Variants in CNTN4 observed in about 807,000 individuals in gnomAD.
CNTN4 encodes contactin-4.
CNTN4 carries 77 observed loss-of-function variants against 122.5 expected under a neutral mutation model. The observed-to-expected ratio is 0.63, with a 90% CI of 0.52 to 0.76. CNTN4 has a LOEUF of 0.76. CNTN4 is among the 30% of genes least tolerant of loss of function. The probability of loss-of-function intolerance (pLI) is 0.00; values close to 1 mark genes in which losing one functional copy is unlikely to be tolerated. For synonymous variants in CNTN4, 512 were observed against 447.0 expected (o/e 1.15, Z -1.83); for missense variants, 1,256 against 1,259.1 (o/e 1.00, Z 0.04).
chr3:2,447,810 T>G (rs1220882858), intron 3 of CNTN4, among the ~76,000 whole-genome samples: 2 of 152,194 alleles, frequency 1.3e-5, no homozygotes, highest in African/African-American at 4.8e-5. Flanking sequence ...TGGGTTCTGT[T>G]AATAAGTACT....
chr3:2,144,210 C>A (rs1247998660), intron 2 of CNTN4: 3 of 152,152 alleles, frequency 2.0e-5, no homozygotes, highest in Non-Finnish European at 4.4e-5. Flanking sequence ...TTAGTGTGGC[C>A]TGTGATCTGT....
intron 7 of CNTN4, among the ~76,000 whole-genome samples, chr3:2,831,294 T>C (rs184358159): frequency 3.2e-4 from 48 of 152,292 alleles, no homozygotes; most frequent in Admixed American, 1.4e-3. Flanking sequence ...ACAAACAATA[T>C]GGATAAAAAA....
intron 7 of CNTN4, chr3:2,866,431 C>G: frequency 8.5e-7 from 1 of 1,178,006 alleles, no homozygotes; most frequent in South Asian, 1.9e-5. Flanking sequence ...TTGAGCATTA[C>G]TCAATACATG....
At chr3:2,668,986 G>A (rs894410615) in intron 4 of CNTN4, among the ~76,000 whole-genome samples, 9 of 152,172 alleles carry the variant, frequency 5.9e-5, no homozygotes, top group African/African-American at 1.7e-4. Context: ...TGCTGGATTC[G>A]GTTTGCCAGT....
intron 17 of CNTN4, among the ~76,000 whole-genome samples, chr3:3,036,677 G>T (rs1186641212): frequency 6.6e-6 from 1 of 151,464 alleles, no homozygotes; most frequent in East Asian, 1.9e-4. Flanking sequence ...TGAGGCACAA[G>T]AATTGCATGA....
At chr3:2,600,380 G>T (rs1435909007) in intron 4 of CNTN4, among the ~76,000 whole-genome samples, 7 of 152,030 alleles carry the variant, frequency 4.6e-5, no homozygotes, top group African/African-American at 1.7e-4. Flanking sequence ...GCCCCGGTGT[G>T]TGATGTCCCC....
chr3:2,198,511 A>G (rs894958999), intron 2 of CNTN4, among the ~76,000 whole-genome samples: 1 of 152,226 alleles, frequency 6.6e-6, no homozygotes, highest in Non-Finnish European at 1.5e-5. Context: ...ATGTTATATC[A>G]GAATGTCAAA....
At chr3:2,919,972 G>T (rs1874964) in intron 12 of CNTN4, among the ~76,000 whole-genome samples, 1 of 151,758 alleles carries the variant, frequency 6.6e-6, no homozygotes, top group Non-Finnish European at 1.5e-5. Context: ...GAGTTTTCAA[G>T]TCTTTTATAA....
chr3:2,353,986 C>A (rs2044759921), intron 3 of CNTN4, among the ~76,000 whole-genome samples: 1 of 152,194 alleles, frequency 6.6e-6, no homozygotes, highest in African/African-American at 2.4e-5. Flanking sequence ...ATATTTAGAG[C>A]ACATATGAAA....
intron 7 of CNTN4, among the ~76,000 whole-genome samples, chr3:2,846,461 A>T (rs1465600421): frequency 6.6e-6 from 1 of 152,198 alleles, no homozygotes. Context: ...ATGGTGAGTC[A>T]ATTAAACCTC....
chr3:2,916,413 C>T (rs537734690), intron 12 of CNTN4, among the ~76,000 whole-genome samples: 5 of 149,326 alleles, frequency 3.3e-5, no homozygotes, highest in South Asian at 4.4e-4. Flanking sequence ...TGTTAAGGAG[C>T]ATGCTGCCTT....
At chr3:2,293,869 C>G (rs2042216263) in intron 2 of CNTN4, among the ~76,000 whole-genome samples, 1 of 152,136 alleles carries the variant, frequency 6.6e-6, no homozygotes, top group South Asian at 2.1e-4. Flanking sequence ...TGCTGTGTCA[C>G]AAACCCCAAA....
intron 3 of CNTN4, among the ~76,000 whole-genome samples, chr3:2,469,698 G>T (rs751892739): frequency 5.3e-5 from 8 of 152,200 alleles, no homozygotes; most frequent in Non-Finnish European, 7.3e-5. Flanking sequence ...GAGGTACATT[G>T]TGTCAGTACA....
In CNTN4 at chr3:2,431,343, G is replaced by GA. The variant is rs564309864; in HGVS notation, c.-89+92116dup. On this transcript the variant is annotated intron_variant, in intron 3 of 24. Coordinates refer to ENST00000418658, the MANE Select transcript of CNTN4 (RefSeq NM_175607.3). ...ATTATTTTCATTTCATAAATGCATT[G>GA]AAAAAATGTACTTCTTTTTTATATG... 1.1e-4 allele frequency among the ~76,000 whole-genome samples: 16 copies of GA among 152,212 alleles called. 1 individual carries two copies. The highest frequency in any genetic ancestry group is 8.3e-4 in the South Asian group (4 of 4,816).
At chr3:2,239,179 A>G (rs944069691) in intron 2 of CNTN4, 8 of 152,164 alleles carry the variant, frequency 5.3e-5, no homozygotes, top group Middle Eastern at 3.2e-3. Flanking sequence ...TGATTCTTTT[A>G]GCAATTTATA....
intron 4 of CNTN4, among the ~76,000 whole-genome samples, chr3:2,599,480 T>G (rs2080927766): frequency 6.6e-6 from 1 of 152,206 alleles, no homozygotes; most frequent in Non-Finnish European, 1.5e-5. Flanking sequence ...TTTGTTTGCT[T>G]AAACTAAACC....
intron 13 of CNTN4, among the ~76,000 whole-genome samples, chr3:2,976,049 CCTTTA>C (rs1693388933): frequency 6.6e-6 from 1 of 152,090 alleles, no homozygotes. Flanking sequence ...CCAAACATGT[CCTTTA>C]CTTTATTTCC....
intron 3 of CNTN4, among the ~76,000 whole-genome samples, chr3:2,461,991 G>A (rs760159617): frequency 6.6e-6 from 1 of 152,156 alleles, no homozygotes; most frequent in Middle Eastern, 3.2e-3. Flanking sequence ...GCAATGCCTG[G>A]AGACATTTTT....
chr3:2,942,716 G>A (rs761220837), intron 13 of CNTN4, among the ~76,000 whole-genome samples: 4 of 152,020 alleles, frequency 2.6e-5, no homozygotes, highest in Non-Finnish European at 5.9e-5. Context: ...GGTATAAAGT[G>A]GTGTTCTATA....
Sources: allele counts gnomAD v4.1 joint callset (sites outside exome capture counted in the v4.1 genomes callset), GRCh38; gene constraint gnomAD v4.1.1; transcripts MANE v1.5; gene names NCBI Gene and HGNC (gene_info 2026-07-23, HGNC 2026-07-21).